The following CDH13 variants were observed in gnomAD, a reference collection of about 807,000 sequenced individuals.
The protein encoded by CDH13 is cadherin-13.
A neutral mutation model predicts 63.8 loss-of-function variants in CDH13; 24 were observed. That is an observed-to-expected ratio of 0.38 (90% CI 0.27 to 0.53). The LOEUF (loss-of-function observed/expected upper bound fraction) is 0.53, where lower values mean the gene tolerates loss of function less well. Among genes scored for constraint, CDH13 ranks in the 20% least tolerant of loss-of-function variants. CDH13 has a pLI of 0.85. For missense variants in CDH13, 1,049 were observed against 903.1 expected, an observed-to-expected ratio of 1.16 and a Z score of -2.07; for synonymous variants, 503 against 355.3, an observed-to-expected ratio of 1.42 and a Z score of -4.67.
intron 2 of CDH13, among the ~76,000 whole-genome samples, chr16:82,904,252 A>G (rs2041566625): frequency 6.6e-6 from 1 of 152,200 alleles, no homozygotes; most frequent in African/African-American, 2.4e-5. Context: ...GATCTAACCG[A>G]TATGCCTCAG....
At chr16:82,713,817 C>G (rs12599456) in intron 1 of CDH13, among the ~76,000 whole-genome samples, 6 of 140,404 alleles carry the variant, frequency 4.3e-5, no homozygotes, top group African/African-American at 1.3e-4. Context: ...AAAAAAAAAA[C>G]AAACAAAAAA....
chr16:82,799,420 C>T (rs919260416), intron 1 of CDH13, among the ~76,000 whole-genome samples: 1 of 152,166 alleles, frequency 6.6e-6, no homozygotes, highest in African/African-American at 2.4e-5. Flanking sequence ...GGCTTTTAAC[C>T]CTAATTTCTA....
At chr16:83,280,759 T>A (rs1393423929) in intron 5 of CDH13, among the ~76,000 whole-genome samples, 1 of 152,250 alleles carries the variant, frequency 6.6e-6, no homozygotes, top group Non-Finnish European at 1.5e-5. Context: ...CCTTGATCCA[T>A]GAGTTGAAAA....
intron 5 of CDH13, among the ~76,000 whole-genome samples, chr16:83,238,282 A>C (rs900042820): frequency 6.6e-6 from 1 of 152,226 alleles, no homozygotes; most frequent in African/African-American, 2.4e-5. Flanking sequence ...AGGCCTCCCA[A>C]TCATGGTGGA....
At chr16:83,693,727 A>G in intron 10 of CDH13, among the ~76,000 whole-genome samples, 1 of 152,186 alleles carries the variant, frequency 6.6e-6, no homozygotes, top group East Asian at 1.9e-4. Flanking sequence ...TGGTGGAGGT[A>G]GGCTTGATTT....
chr16:82,718,713 A>C (rs542335262), intron 1 of CDH13, among the ~76,000 whole-genome samples: 35 of 152,180 alleles, frequency 2.3e-4, no homozygotes, highest in Non-Finnish European at 4.7e-4. Context: ...TCGTGCAGGG[A>C]AACTCCCCTT....
At chr16:82,846,776 G>A (rs1461277609) in intron 1 of CDH13, among the ~76,000 whole-genome samples, 1 of 152,128 alleles carries the variant, frequency 6.6e-6, no homozygotes, top group African/African-American at 2.4e-5. Context: ...GCAGATAATA[G>A]AAATGTTAAA....
chr16:83,676,260 G>A (rs894307395), intron 9 of CDH13, among the ~76,000 whole-genome samples: 3 of 152,178 alleles, frequency 2.0e-5, no homozygotes, highest in African/African-American at 4.8e-5. Context: ...ATACGTCTCC[G>A]GCTGTGGAGA....
At position 82,737,423 on chromosome 16, in the gene CDH13, C is replaced by T. The variant is rs535250485; in HGVS notation, c.45+110286C>T. On this transcript the variant is annotated intron_variant, in intron 1 of 13. Coordinates refer to ENST00000567109, the MANE Select transcript of CDH13 (RefSeq NM_001257.5). ...CACCCACCGTTGTGTGATACCACAG[C>T]GTCTGTTTTACCTCCCACTGAACAA... Among the ~76,000 whole-genome samples the T allele has an allele frequency of 3.9e-5, 6 of 152,296 alleles. No homozygotes were observed. In the East Asian group the frequency reaches 7.7e-4, roughly 20 times the overall value.
intron 1 of CDH13, among the ~76,000 whole-genome samples, chr16:82,689,347 C>T (rs965451300): frequency 6.6e-6 from 1 of 152,068 alleles, no homozygotes; most frequent in African/African-American, 2.4e-5. Context: ...TGTTAGTTAT[C>T]ATATTCATCC....
chr16:83,505,816 C>T (rs1354698535), intron 7 of CDH13, among the ~76,000 whole-genome samples: 3 of 151,994 alleles, frequency 2.0e-5, no homozygotes, highest in African/African-American at 7.2e-5. Flanking sequence ...ATGCCTAACC[C>T]AGTTTAAAGA....
At chr16:83,759,583 T>C (rs775183586) in intron 11 of CDH13, among the ~76,000 whole-genome samples, 1 of 151,068 alleles carries the variant, frequency 6.6e-6, no homozygotes, top group Non-Finnish European at 1.5e-5. Context: ...AATGACACAG[T>C]TAAGAAAGTA....
intron 7 of CDH13, among the ~76,000 whole-genome samples, chr16:83,527,112 C>A (rs905070448): frequency 2.0e-5 from 3 of 149,822 alleles, no homozygotes; most frequent in Non-Finnish European, 3.0e-5. Context: ...GCCTGGGCAA[C>A]AGAGCAAGAC....
chr16:83,355,022 C>A (rs188473480), intron 6 of CDH13, among the ~76,000 whole-genome samples: 83 of 152,268 alleles, frequency 5.5e-4, no homozygotes, highest in African/African-American at 1.8e-3. Flanking sequence ...AGACCCCTGG[C>A]TTAGAACTCC....
intron 1 of CDH13, among the ~76,000 whole-genome samples, chr16:82,660,167 G>C (rs920968371): frequency 6.6e-6 from 1 of 152,102 alleles, no homozygotes; most frequent in African/African-American, 2.4e-5. Flanking sequence ...AAGAGAGGGA[G>C]GGAAAATGTG....
chr16:82,992,882 G>C (rs1208676762), intron 2 of CDH13, among the ~76,000 whole-genome samples: 1 of 152,128 alleles, frequency 6.6e-6, no homozygotes, highest in East Asian at 1.9e-4. Context: ...GAAGATGCTG[G>C]TTAGGCATGT....
chr16:83,300,285 T>C (rs2089702622), intron 5 of CDH13, among the ~76,000 whole-genome samples: 1 of 152,230 alleles, frequency 6.6e-6, no homozygotes, highest in Non-Finnish European at 1.5e-5. Flanking sequence ...GATCATAACA[T>C]TTCAACTTAC....
chr16:83,129,412 G>T (rs1016170613), intron 4 of CDH13, among the ~76,000 whole-genome samples: 5 of 152,216 alleles, frequency 3.3e-5, no homozygotes, highest in Non-Finnish European at 5.9e-5. Context: ...GTTCATTTCA[G>T]AGGTGGAGGA....
At chr16:83,622,756 T>A (rs1200129804) in intron 8 of CDH13, among the ~76,000 whole-genome samples, 2 of 152,212 alleles carry the variant, frequency 1.3e-5, no homozygotes, top group Non-Finnish European at 2.9e-5. Context: ...ATTAGTGAGA[T>A]AATGTGCTTC....
Sources: gnomAD v4.1 joint callset for allele counts (sites outside exome capture counted in the v4.1 genomes callset) on GRCh38, gnomAD v4.1.1 for gene constraint, MANE v1.5 for transcripts, NCBI Gene and HGNC (gene_info 2026-07-23, HGNC 2026-07-21) for gene names.